Variants in FHIP2A observed in about 807,000 individuals in gnomAD.
FHIP2A encodes the protein FHF complex subunit HOOK interacting protein 2A, also known as family with sequence similarity 160 member B1.
FHIP2A carries 46 observed loss-of-function variants against 93.5 expected under a neutral mutation model. That is an observed-to-expected ratio of 0.49 (90% CI 0.39 to 0.63). The LOEUF (loss-of-function observed/expected upper bound fraction) is 0.63, where lower values mean the gene tolerates loss of function less well. Among genes scored for constraint, FHIP2A ranks in the 20% least tolerant of loss-of-function variants. FHIP2A has a pLI of 0.00. For synonymous variants in FHIP2A, 332 were observed against 326.5 expected (o/e 1.02, Z -0.18); for missense variants, 769 against 909.7 (o/e 0.85, Z 1.99).
At position 114,837,979 on chromosome 10, in the gene FHIP2A, A is replaced by G. The variant is rs114937884; in HGVS notation, c.522+1733A>G. Among the ~76,000 whole-genome samples the G allele has an allele frequency of 4.0e-3, 610 of 152,360 alleles. 8 individuals are homozygous for G. The highest frequency in any genetic ancestry group is 0.014 in the African/African-American group (576 of 41,576). On this transcript the variant is annotated intron_variant, in intron 5 of 16. Coordinates refer to ENST00000369248, the MANE Select transcript of FHIP2A (RefSeq NM_020940.4). ...TTAATGAAACCACTAAGAACATCACACACAGATTTTTGCGTGGATTTAGGT... is the reference window on the plus strand; with the variant it reads ...TTAATGAAACCACTAAGAACATCACGCACAGATTTTTGCGTGGATTTAGGT...
At chr10:114,887,392 C>T (rs1262037760) in intron 16 of FHIP2A, among the ~76,000 whole-genome samples, 1 of 152,236 alleles carries the variant, frequency 6.6e-6, no homozygotes, top group Non-Finnish European at 1.5e-5. Flanking sequence ...GTGCCTGACA[C>T]TCTTCCAACC....
At chr10:114,890,826 A>G (rs1475993467) in intron 16 of FHIP2A, among the ~76,000 whole-genome samples, 2 of 150,116 alleles carry the variant, frequency 1.3e-5, no homozygotes, top group African/African-American at 2.4e-5. Context: ...CACTGACTAG[A>G]TATTTAATAA....
rs373402633 is a variant in FHIP2A at position 114,838,604 on chromosome 10, G to C, written c.522+2358G>C. ...GCTAAAGCTTTCTTAGATAACCTTA[G>C]TGTACTTGGAATGCATGTATTTTTT... On this transcript the variant is annotated intron_variant, in intron 5 of 16. Transcript: ENST00000369248. Among the ~76,000 whole-genome samples the C allele has an allele frequency of 2.6e-5, 4 of 152,192 alleles. No individual in the cohort carries two copies. The South Asian group carries it at 8.3e-4, about 32-fold the overall frequency.
Position 114,861,958 on chromosome 10 carries a change from A to C in FHIP2A, c.*418A>C. 2 of 984,064 alleles carry C rather than the reference A, an allele frequency of 2.0e-6. No individual in the cohort carries two copies. Among genetic ancestry groups the C allele is most frequent in the Non-Finnish European group, 2.4e-6 (2 of 829,418 alleles). 61.0% of individuals were successfully genotyped at this position (984,064 alleles called of 1,614,324 possible). On this transcript the variant is annotated 3_prime_UTR_variant, in exon 17 of 17. Transcript: ENST00000369248. Reference sequence around the variant, plus strand: ...TATTCTTTTGGATTAATAAGTAGCAAAAAAAAATCACTAATTTTATAACTT... The same window carrying C: ...TATTCTTTTGGATTAATAAGTAGCACAAAAAAATCACTAATTTTATAACTT...
At chr10:114,855,403 A>G in intron 14 of FHIP2A, 63 bp downstream of exon 14, 2 of 1,304,796 alleles carry the variant, frequency 1.5e-6, no homozygotes, top group Non-Finnish European at 2.1e-6. Context: ...GAATCATCTC[A>G]AGTCTTAGTA....
intron 16 of FHIP2A, among the ~76,000 whole-genome samples, chr10:114,871,297 A>T (rs915513197): frequency 1.3e-4 from 19 of 151,916 alleles, no homozygotes; most frequent in African/African-American, 4.6e-4. Flanking sequence ...GGACTACAGG[A>T]TCATGCCACT....
chr10:114,865,332 A>G (rs546532487), downstream of FHIP2A, among the ~76,000 whole-genome samples: 1 of 152,262 alleles, frequency 6.6e-6, no homozygotes, highest in East Asian at 1.9e-4. Context: ...GTATTTTTCT[A>G]ACATATATAA....
At chr10:114,894,273 A>T (rs2083989437) in intron 16 of FHIP2A, among the ~76,000 whole-genome samples, 1 of 151,900 alleles carries the variant, frequency 6.6e-6, no homozygotes, top group Admixed American at 6.6e-5. Context: ...ATGATGTAGG[A>T]TGAAGCTGGG....
intron 16 of FHIP2A, among the ~76,000 whole-genome samples, chr10:114,875,851 GAAAAAGAAAGAAAGAAAGAGAA>G (rs888298829): frequency 2.7e-5 from 3 of 112,378 alleles, no homozygotes; most frequent in African/African-American, 9.9e-5. Flanking sequence ...AAGAAAGAAA[GAAAAAGAAAGAAAGAAAGAGAA>G]AGAAAGAAAA....
intron 2 of FHIP2A, 57 bp from the exon 3 acceptor site, chr10:114,833,176 T>C: frequency 7.4e-7 from 1 of 1,355,394 alleles, no homozygotes; most frequent in East Asian, 2.4e-5. Flanking sequence ...GTATTTTAGG[T>C]GCAAATATGC....
chr10:114,831,451 C>A (rs913218991), intron 2 of FHIP2A, among the ~76,000 whole-genome samples: 7 of 152,138 alleles, frequency 4.6e-5, no homozygotes, highest in African/African-American at 1.7e-4. Context: ...ACCCTCAGGC[C>A]AGAGCATGTG....
intron 13 of FHIP2A, among the ~76,000 whole-genome samples, 188 bp downstream of exon 13, chr10:114,848,925 T>C (rs1020295350): frequency 5.3e-5 from 8 of 151,914 alleles, no homozygotes; most frequent in Middle Eastern, 3.4e-3. Context: ...GATGGATCAC[T>C]TGAGGTCAGG....
rs964058158 is a variant in FHIP2A at position 114,899,511 on chromosome 10, G to A, written c.2214G>A (p.Trp738Ter). ...TCAGGCAGACGTTGCCTTCATGGTGGTAAGAGGGATTCCAGAGTCTCTTAT... is the reference window on the plus strand; with the variant it reads ...TCAGGCAGACGTTGCCTTCATGGTGATAAGAGGGATTCCAGAGTCTCTTAT... The change falls in exon 17 of 17, where the codon TGG (tryptophan) becomes TGA (stop). Residue 738 changes from tryptophan (W) to a stop codon, truncating the protein, a stop_gained. Coordinates refer to the FHIP2A transcript ENST00000369250. LOFTEE classifies it high-confidence loss of function. 6 of 718,512 alleles carry A rather than the reference G, an allele frequency of 8.4e-6. No homozygotes were observed. The Admixed American group carries it at 1.2e-4, about 14-fold the overall frequency. 44.5% of individuals were successfully genotyped at this position (718,512 alleles called of 1,614,324 possible). A position where few individuals can be genotyped will look rare whatever the true frequency, so the allele number is the denominator to read the frequency against.
At chr10:114,860,662 T>C in intron 14 of FHIP2A, 87 bp from the exon 15 acceptor site, 1 of 1,171,884 alleles carries the variant, frequency 8.5e-7, no homozygotes, top group Non-Finnish European at 1.3e-6. Flanking sequence ...AGATTCTCCT[T>C]TCTTAAAAGA....
intron 16 of FHIP2A, among the ~76,000 whole-genome samples, chr10:114,875,928 GAAA>G (rs2083886248): frequency 6.8e-6 from 1 of 146,770 alleles, no homozygotes; most frequent in African/African-American, 2.5e-5. Context: ...AAGAAAGAAA[GAAA>G]GAGAAAGAAA....
chr10:114,838,611 T>G (rs1282503846), intron 5 of FHIP2A, among the ~76,000 whole-genome samples: 7 of 152,222 alleles, frequency 4.6e-5, no homozygotes, highest in African/African-American at 1.7e-4. Flanking sequence ...TTAGTGTACT[T>G]GGAATGCATG....
At chr10:114,860,281 G>A (rs762976201) in intron 14 of FHIP2A, among the ~76,000 whole-genome samples, 1 of 152,138 alleles carries the variant, frequency 6.6e-6, no homozygotes, top group Non-Finnish European at 1.5e-5. Flanking sequence ...GAGATGATGA[G>A]AGCTAGTTTA....
chr10:114,847,270 T>G, intron 12 of FHIP2A, 37 bp downstream of exon 12: 2 of 1,566,860 alleles, frequency 1.3e-6, no homozygotes, highest in South Asian at 1.2e-5. Context: ...CCATCTCTCT[T>G]GTTTTTTGTT....
chr10:114,889,437 G>T (rs1262654035), intron 16 of FHIP2A, among the ~76,000 whole-genome samples: 1 of 152,042 alleles, frequency 6.6e-6, no homozygotes, highest in African/African-American at 2.4e-5. Flanking sequence ...CTTTTTTTGT[G>T]GTTCTAGATA....
Sources: gnomAD v4.1 joint callset for allele counts (sites outside exome capture counted in the v4.1 genomes callset) on GRCh38, gnomAD v4.1.1 for gene constraint, MANE v1.5 for transcripts, NCBI Gene and HGNC (gene_info 2026-07-23, HGNC 2026-07-21) for gene names.